NOL4L: variants seen among roughly 807,000 people sequenced by gnomAD.
NOL4L encodes nucleolar protein 4 like, also known as nucleolar protein 4-like.
In NOL4L, 7 loss-of-function variants were observed where a neutral mutation model predicts 64.5. The ratio of observed to expected loss-of-function variants is 0.11; its 90% CI spans 0.06 to 0.20. The LOEUF (loss-of-function observed/expected upper bound fraction) is 0.20. NOL4L is among the 10% of genes least tolerant of loss of function. The pLI is 1.00. For synonymous variants in NOL4L, 413 were observed against 401.0 expected, an observed-to-expected ratio of 1.03 and a Z score of -0.36; for missense variants, 680 against 967.1, an observed-to-expected ratio of 0.70 and a Z score of 3.94.
intron 5 of NOL4L, among the ~76,000 whole-genome samples, chr20:32,470,283 G>A (rs947228321): frequency 2.6e-5 from 4 of 152,248 alleles, no homozygotes; most frequent in South Asian, 4.1e-4. Context: ...CAGGGGAAAC[G>A]GAAGGAGTGG....
chr20:32,500,124 A>G (rs2145535598), intron 4 of NOL4L, among the ~76,000 whole-genome samples: 1 of 152,332 alleles, frequency 6.6e-6, no homozygotes, highest in African/African-American at 2.4e-5. Context: ...GAAAATAAAA[A>G]CATGTATGCT....
intron 2 of NOL4L, among the ~76,000 whole-genome samples, chr20:32,525,798 C>A (rs2018111438): frequency 6.6e-6 from 1 of 152,118 alleles, no homozygotes; most frequent in African/African-American, 2.4e-5. Flanking sequence ...CACTCTGTCA[C>A]CCTGGCTGAA....
At chr20:32,468,418 C>A (rs1001917483) in intron 5 of NOL4L, among the ~76,000 whole-genome samples, 11 of 152,172 alleles carry the variant, frequency 7.2e-5, no homozygotes, top group African/African-American at 2.7e-4. Context: ...CACGCCTCTG[C>A]CCAGCTTCCC....
chr20:32,465,303 C>T (rs920694441), intron 5 of NOL4L, among the ~76,000 whole-genome samples: 2 of 151,862 alleles, frequency 1.3e-5, no homozygotes, highest in African/African-American at 2.4e-5. Context: ...TGAGTGGAGG[C>T]GCCCAGACAG....
intron 4 of NOL4L, among the ~76,000 whole-genome samples, chr20:32,496,842 C>T (rs1445259802): frequency 6.6e-6 from 1 of 152,074 alleles, no homozygotes; most frequent in African/African-American, 2.4e-5. Context: ...TGAACCACCA[C>T]ACCTGGCCTA....
At chr20:32,557,284 C>T (rs1003996998) in intron 1 of NOL4L, among the ~76,000 whole-genome samples, 1 of 152,252 alleles carries the variant, frequency 6.6e-6, no homozygotes, top group Admixed American at 6.5e-5. Context: ...TGATTTGAGT[C>T]CCAGCACCAA....
intron 4 of NOL4L, among the ~76,000 whole-genome samples, chr20:32,497,104 T>C (rs1342375414): frequency 6.9e-6 from 1 of 145,540 alleles, no homozygotes; most frequent in Non-Finnish European, 1.5e-5. Flanking sequence ...AACACAATCA[T>C]GACCAGGAAA....
chr20:32,500,528 G>A (rs931600104), intron 4 of NOL4L, among the ~76,000 whole-genome samples: 1 of 121,606 alleles, frequency 8.2e-6, no homozygotes, highest in Non-Finnish European at 1.7e-5. Context: ...TAATTTTTTT[G>A]TATTTCTTTC....
chr20:32,549,983 A>AAAT (rs1331371466), intron 1 of NOL4L, among the ~76,000 whole-genome samples: 1 of 152,250 alleles, frequency 6.6e-6, no homozygotes, highest in African/African-American at 2.4e-5. Flanking sequence ...ACATGATTCA[A>AAAT]AATAGCCAAA....
chr20:32,584,810 G>A lies in NOL4L; in HGVS notation c.81C>T (p.Phe27=). 2.6e-6 allele frequency: 4 copies of A among 1,530,164 alleles called. No homozygotes were observed. Among genetic ancestry groups the A allele is most frequent in the Non-Finnish European group, 3.5e-6 (4 of 1,142,210 alleles). The allele number at this position is 1,530,164 out of a possible 1,614,324, so 94.8% of individuals were successfully genotyped here. ...SPGDSELGRQ[F]RDWCLRTYGD... ...CGTAGGTGCGCAAGCACCAGTCCCGGAACTGGCGGCCCAGCTCCGAGTCCC... is the reference window on the plus strand; with the variant it reads ...CGTAGGTGCGCAAGCACCAGTCCCGAAACTGGCGGCCCAGCTCCGAGTCCC... Residue 27 remains phenylalanine, a synonymous_variant, in exon 1 of 11, where the codon TTC becomes TTT. Coordinates refer to ENST00000621426, the MANE Select transcript of NOL4L (RefSeq NM_001256798.2).
intron 4 of NOL4L, 93 bp downstream of exon 4, chr20:32,511,254 C>T: frequency 1.3e-6 from 1 of 768,852 alleles, no homozygotes; most frequent in South Asian, 1.7e-5. Context: ...CGTGTGTTTA[C>T]ACAAGCTGTG....
At chr20:32,505,670 C>T (rs1055106057) in intron 4 of NOL4L, among the ~76,000 whole-genome samples, 106 of 152,200 alleles carry the variant, frequency 7.0e-4, no homozygotes, top group African/African-American at 2.2e-3. Context: ...GAACTGTGAT[C>T]GTGTCACTGC....
At position 32,464,498 on chromosome 20, in the gene NOL4L, C is replaced by T. The variant is rs976409267; in HGVS notation, c.842-8103G>A. ...CCGGCCCCAGCCACGGAGCAGGGAGCCCATGCCCCCCATCTGGGTGCCACA... is the reference window on the plus strand; with the variant it reads ...CCGGCCCCAGCCACGGAGCAGGGAGTCCATGCCCCCCATCTGGGTGCCACA... On this transcript the variant is annotated intron_variant, in intron 5 of 10. Transcript: ENST00000621426. This position sits in a 1 kb window ranked among gnomAD's most constrained non-coding sequence, Gnocchi z 5.6. Among the ~76,000 whole-genome samples the T allele has an allele frequency of 6.6e-6, 1 of 152,228 alleles. No individual in the cohort carries two copies. Among genetic ancestry groups the T allele is most frequent in the Non-Finnish European group, 1.5e-5 (1 of 68,042 alleles).
At chr20:32,465,469 C>G (rs904287703) in intron 5 of NOL4L, among the ~76,000 whole-genome samples, 15 of 152,238 alleles carry the variant, frequency 9.9e-5, no homozygotes, top group African/African-American at 3.6e-4. Context: ...ACCTACTGGC[C>G]ACTGATGCCC....
At chr20:32,566,031 C>A (rs1979408095) in intron 1 of NOL4L, among the ~76,000 whole-genome samples, 2 of 152,178 alleles carry the variant, frequency 1.3e-5, no homozygotes, top group African/African-American at 4.8e-5. Context: ...GGCAACAGAG[C>A]AAGGCCCTGT....
At chr20:32,548,365 T>C (rs1600864742) in intron 1 of NOL4L, 1 of 153,116 alleles carries the variant, frequency 6.5e-6, no homozygotes, top group East Asian at 1.9e-4. Flanking sequence ...ATCTCAGAGA[T>C]TCTCCAGGCA....
chr20:32,474,373 T>C (rs1742983), intron 5 of NOL4L, among the ~76,000 whole-genome samples: 79,461 of 152,218 alleles, frequency 0.52, 22,762 homozygotes, highest in East Asian at 0.99. Context: ...CTGCCAGTCC[T>C]ATGGGCTCTC....
chr20:32,573,050 T>G (rs1193212199), intron 1 of NOL4L, among the ~76,000 whole-genome samples: 2 of 151,968 alleles, frequency 1.3e-5, no homozygotes, highest in East Asian at 3.9e-4. Flanking sequence ...TTTTTTTTTT[T>G]TTTTTAGACA....
At chr20:32,524,517 C>T (rs1411188965) in intron 2 of NOL4L, among the ~76,000 whole-genome samples, 1 of 152,240 alleles carries the variant, frequency 6.6e-6, no homozygotes, top group East Asian at 1.9e-4. Context: ...CCAGTCCTAA[C>T]TCCTATAGTA....
Sources: allele counts gnomAD v4.1 joint callset (sites outside exome capture counted in the v4.1 genomes callset), GRCh38; gene constraint gnomAD v4.1.1; non-coding constraint Gnocchi (gnomAD v3.1); transcripts MANE v1.5; gene names NCBI Gene and HGNC (gene_info 2026-07-23, HGNC 2026-07-21).